The following SORT1 variants were observed in gnomAD, a reference collection of about 807,000 sequenced individuals.
SORT1 encodes sortilin.
SORT1 carries 39 observed loss-of-function variants against 101.7 expected under a neutral mutation model. That is an observed-to-expected ratio of 0.38 (90% CI 0.30 to 0.50). SORT1 has a LOEUF of 0.50. SORT1 is among the 20% of genes least tolerant of loss of function. The pLI, the probability that SORT1 is intolerant of heterozygous loss-of-function variation, is 0.90. For synonymous variants in SORT1, 396 were observed against 393.7 expected, an observed-to-expected ratio of 1.01 and a Z score of -0.07; for missense variants, 878 against 1,040.4, an observed-to-expected ratio of 0.84 and a Z score of 2.15.
At chr1:109,374,626 A>C (rs1435296259) in intron 1 of SORT1, among the ~76,000 whole-genome samples, 1 of 151,996 alleles carries the variant, frequency 6.6e-6, no homozygotes, top group Non-Finnish European at 1.5e-5. Flanking sequence ...AAAGACTTAA[A>C]TTAGACTTGT....
chr1:109,342,210 G>C, intron 8 of SORT1, 52 bp from the exon 9 acceptor site: 1 of 1,382,856 alleles, frequency 7.2e-7, no homozygotes, highest in South Asian at 1.2e-5. Flanking sequence ...AGATGCCATG[G>C]GCAGGGACAT....
At chr1:109,324,353 G>A (rs1025763813) in intron 14 of SORT1, among the ~76,000 whole-genome samples, 12 of 152,124 alleles carry the variant, frequency 7.9e-5, no homozygotes, top group Admixed American at 2.0e-4. Context: ...GGCCAGGCTG[G>A]TTTCGAACTC....
chr1:109,333,275 A>G (rs1192531332), intron 11 of SORT1, among the ~76,000 whole-genome samples: 1 of 152,210 alleles, frequency 6.6e-6, no homozygotes, highest in Non-Finnish European at 1.5e-5. Flanking sequence ...AATGGATTAG[A>G]GACATAAATG....
intron 1 of SORT1, among the ~76,000 whole-genome samples, chr1:109,373,844 G>A (rs1651647575): frequency 6.6e-6 from 1 of 152,174 alleles, no homozygotes; most frequent in Non-Finnish European, 1.5e-5. Flanking sequence ...AGCCCTTTGG[G>A]AGGCCGAGGT....
chr1:109,322,648 C>G (rs1160171040), intron 15 of SORT1, among the ~76,000 whole-genome samples: 1 of 87,004 alleles, frequency 1.1e-5, no homozygotes, highest in Non-Finnish European at 2.6e-5. Flanking sequence ...TGTGTCTCAG[C>G]CACCTGAGCA....
rs1271896700 is a variant in SORT1, at chr1:109,312,573, T to C, written c.*1470A>G. 7 of 151,240 alleles carry C rather than the reference T, an allele frequency of 4.6e-5. No individual in the cohort carries two copies. Among genetic ancestry groups the C allele is most frequent in the Admixed American group, 3.3e-4 (5 of 15,164 alleles). 9.4% of individuals were successfully genotyped at this position (151,240 alleles called of 1,614,324 possible). On this transcript the variant is annotated 3_prime_UTR_variant, in exon 20 of 20. Coordinates refer to ENST00000256637, the MANE Select transcript of SORT1 (RefSeq NM_002959.7). The stretch of plus-strand genomic sequence containing the variant: ...AGCCACAAAATAAACTAGTAGCAAA[T>C]GGTATCTACCAAAGAATGTCCCAGT...
rs1278818868 is a variant in SORT1 at position 109,311,260 on chromosome 1, T to A, written c.*2783A>T. 6.6e-6 allele frequency: 1 copy of A among 152,232 alleles called. No individual in the cohort carries two copies. The highest frequency in any genetic ancestry group is 1.5e-5 in the Non-Finnish European group (1 of 68,034). 9.4% of individuals were successfully genotyped at this position (152,232 alleles called of 1,614,324 possible). A position where few individuals can be genotyped will look rare whatever the true frequency, so the allele number is the denominator to read the frequency against. ...TTGGACTGGTTTGTCCAATCTCTCT[T>A]ATAATGCTAAATTCCATTGCTGAAG... is the stretch of plus-strand genomic sequence containing the variant. On this transcript the variant is annotated 3_prime_UTR_variant, in exon 20 of 20. Coordinates refer to ENST00000256637, the MANE Select transcript of SORT1 (RefSeq NM_002959.7).
intron 7 of SORT1, among the ~76,000 whole-genome samples, chr1:109,346,216 G>A (rs1649580130): frequency 6.6e-6 from 1 of 151,770 alleles, no homozygotes; most frequent in Non-Finnish European, 1.5e-5. Context: ...GGGAGGCTGA[G>A]GCAGGAGAAT....
At chr1:109,382,223 C>T (rs750303648) in intron 1 of SORT1, among the ~76,000 whole-genome samples, 2 of 152,170 alleles carry the variant, frequency 1.3e-5, no homozygotes, top group Admixed American at 6.5e-5. Context: ...GCAACCTCCA[C>T]CTTCTGGGTT....
chr1:109,387,319 A>G (rs936028844), intron 1 of SORT1, among the ~76,000 whole-genome samples: 3 of 151,182 alleles, frequency 2.0e-5, no homozygotes, highest in Non-Finnish European at 4.4e-5. Flanking sequence ...AAAATAAATA[A>G]CTTTAAGTTA....
At chr1:109,357,202 A>C (rs899245623) in intron 3 of SORT1, among the ~76,000 whole-genome samples, 3 of 152,242 alleles carry the variant, frequency 2.0e-5, no homozygotes, top group Admixed American at 1.3e-4. Context: ...TATACCATAT[A>C]GCTGTGGTGT....
Position 109,333,917 on chromosome 1 carries a change from C to T in SORT1, c.1371+2323G>A, listed in dbSNP as rs192244239. ...ATCCCAGTACTTTGGGAGGCAGAGG[C>T]GGGTGGATCACGAGGTCAGGAGTTC... On this transcript the variant is annotated intron_variant, in intron 11 of 19. Transcript: ENST00000256637. 3.3e-5 allele frequency among the ~76,000 whole-genome samples: 5 copies of T among 152,206 alleles called. No individual in the cohort carries two copies. The East Asian group carries it at 5.8e-4, about 18-fold the overall frequency.
chr1:109,334,540 G>A (rs996243030), intron 11 of SORT1, among the ~76,000 whole-genome samples: 1 of 152,148 alleles, frequency 6.6e-6, no homozygotes, highest in Non-Finnish European at 1.5e-5. Flanking sequence ...GGTATGGGGA[G>A]ATGAAGGCCA....
At chr1:109,314,582 A>G in intron 18 of SORT1, 90 bp downstream of exon 18, 1 of 1,101,304 alleles carries the variant, frequency 9.1e-7, no homozygotes, top group Non-Finnish European at 1.3e-6. Flanking sequence ...GCAAGTACCT[A>G]GTTTTTGCCA....
intron 1 of SORT1, among the ~76,000 whole-genome samples, chr1:109,395,143 T>A (rs1653117408): frequency 6.6e-6 from 1 of 150,598 alleles, no homozygotes. Flanking sequence ...TTTTTTTTTT[T>A]AACCAGATAC....
At chr1:109,394,244 T>C (rs987211574) in intron 1 of SORT1, among the ~76,000 whole-genome samples, 1 of 152,226 alleles carries the variant, frequency 6.6e-6, no homozygotes, top group African/African-American at 2.4e-5. Context: ...CCCATGAGTC[T>C]ATTATAGCTA....
intron 1 of SORT1, among the ~76,000 whole-genome samples, chr1:109,370,535 A>G (rs1651425261): frequency 6.6e-6 from 1 of 152,228 alleles, no homozygotes; most frequent in African/African-American, 2.4e-5. Flanking sequence ...TACATACTAT[A>G]TAGAGTCTAT....
At chr1:109,355,056 C>G (rs1426171301) in intron 4 of SORT1, among the ~76,000 whole-genome samples, 2 of 151,654 alleles carry the variant, frequency 1.3e-5, no homozygotes, top group African/African-American at 4.8e-5. Context: ...AAACCCTCTA[C>G]AAAAAAATAC....
intron 17 of SORT1, among the ~76,000 whole-genome samples, chr1:109,315,383 C>T (rs1247306170): frequency 1.3e-5 from 2 of 152,062 alleles, no homozygotes; most frequent in African/African-American, 4.8e-5. Context: ...AGCTGTGTCC[C>T]TGTGGGTGGG....
Sources: allele counts gnomAD v4.1 joint callset (sites outside exome capture counted in the v4.1 genomes callset), GRCh38; gene constraint gnomAD v4.1.1; transcripts MANE v1.5; gene names NCBI Gene and HGNC (gene_info 2026-07-23, HGNC 2026-07-21).